The following PBX3 variants were observed in gnomAD, a reference collection of about 807,000 sequenced individuals.
The protein encoded by PBX3 is pre-B-cell leukemia transcription factor 3.
A neutral mutation model predicts 48.5 loss-of-function variants in PBX3; 14 were observed. The observed-to-expected ratio is 0.29, with a 90% confidence interval of 0.19 to 0.45. The LOEUF (loss-of-function observed/expected upper bound fraction) is 0.45, where lower values mean the gene tolerates loss of function less well. Among genes scored for constraint, PBX3 ranks in the 20% least tolerant of loss-of-function variants. PBX3 has a pLI of 1.00. For missense variants in PBX3, 386 were observed against 546.7 expected, an observed-to-expected ratio of 0.71 and a Z score of 2.93; for synonymous variants, 210 against 200.3, an observed-to-expected ratio of 1.05 and a Z score of -0.41.
chr9:125,791,301 G>GTCTGTCTGTCTGTCTGTCTATCTA (rs1179896723), intron 2 of PBX3, among the ~76,000 whole-genome samples: 2 of 108,898 alleles, frequency 1.8e-5, no homozygotes, highest in East Asian at 6.0e-4. Flanking sequence ...CTGTCTGTCT[G>GTCTGTCTGTCTGTCTGTCTATCTA]TCTATCTATC....
intron 2 of PBX3, among the ~76,000 whole-genome samples, chr9:125,850,509 C>A (rs1440051331): frequency 6.6e-6 from 1 of 151,818 alleles, no homozygotes; most frequent in African/African-American, 2.4e-5. Context: ...TCAGTGTTTC[C>A]TACATATTAT....
chr9:125,748,336 G>T (rs910383285), intron 1 of PBX3: 97 of 1,256,406 alleles, frequency 7.7e-5, no homozygotes, highest in Non-Finnish European at 8.9e-5. Context: ...CTGCCGGGCA[G>T]ATGGGTCCGC....
At chr9:125,821,665 A>G (rs1247942179) in intron 2 of PBX3, among the ~76,000 whole-genome samples, 2 of 152,108 alleles carry the variant, frequency 1.3e-5, no homozygotes, top group Non-Finnish European at 2.9e-5. Context: ...GATTAGTTTC[A>G]TTTTATCACC....
intron 2 of PBX3, among the ~76,000 whole-genome samples, chr9:125,867,757 TATATATACACACAC>T (rs1283043489): frequency 1.3e-5 from 2 of 151,530 alleles, no homozygotes; most frequent in African/African-American, 2.4e-5. Context: ...TCTCTCTATA[TATATATACACACAC>T]ATATATACAC....
chr9:125,803,682 G>A (rs1287710748), intron 2 of PBX3, among the ~76,000 whole-genome samples: 1 of 152,146 alleles, frequency 6.6e-6, no homozygotes, highest in East Asian at 1.9e-4. Context: ...TAGATCAAGA[G>A]GCATATGATG....
intron 2 of PBX3, among the ~76,000 whole-genome samples, chr9:125,801,394 T>C (rs1837940305): frequency 6.6e-6 from 1 of 152,210 alleles, no homozygotes; most frequent in Non-Finnish European, 1.5e-5. Context: ...ATATTTTTCT[T>C]GCCTACAACT....
chr9:125,763,315 G>A (rs974574886), intron 2 of PBX3, among the ~76,000 whole-genome samples: 4 of 152,158 alleles, frequency 2.6e-5, no homozygotes, highest in Admixed American at 6.5e-5. Context: ...CCATCTTTTT[G>A]TGTGAGGTTG....
At chr9:125,875,718 C>G (rs1372253469) in intron 2 of PBX3, among the ~76,000 whole-genome samples, 1 of 152,192 alleles carries the variant, frequency 6.6e-6, no homozygotes. Context: ...GCTACTCAAA[C>G]ATTTAATTAT....
chr9:125,763,434 A>T (rs1025339096), intron 2 of PBX3, among the ~76,000 whole-genome samples: 1 of 152,242 alleles, frequency 6.6e-6, no homozygotes, highest in African/African-American at 2.4e-5. Flanking sequence ...GTATTTCTAT[A>T]GTGTGAAGCC....
chr9:125,895,778 T>C (rs561901491), intron 2 of PBX3, among the ~76,000 whole-genome samples: 29 of 152,196 alleles, frequency 1.9e-4, no homozygotes, highest in African/African-American at 7.0e-4. Flanking sequence ...AATATTTTCA[T>C]GCATACAAAA....
chr9:125,932,862 T>C (rs1841748296), intron 4 of PBX3, among the ~76,000 whole-genome samples: 1 of 152,170 alleles, frequency 6.6e-6, no homozygotes, highest in African/African-American at 2.4e-5. Context: ...AGGGCCAGAA[T>C]GAGAGAGTGG....
Position 125,949,522 on chromosome 9 carries a change from T to C in PBX3, c.844-11162T>C, listed in dbSNP as rs2118756539. The C allele has an allele frequency of 7.1e-6, 11 of 1,539,010 alleles. No homozygotes were observed. In the South Asian group the frequency reaches 1.3e-4, roughly 19 times the overall value. On this transcript the variant is annotated intron_variant, in intron 5 of 8. Coordinates refer to ENST00000373489, the MANE Select transcript of PBX3 (RefSeq NM_006195.6). ...CTGTTCTTAGTCTCTGATGGACCTA[T>C]ACTGTGTATATATATATATAGTATT...
At chr9:125,965,669 T>G (rs1050991918) in intron 8 of PBX3, among the ~76,000 whole-genome samples, 162 bp from the exon 9 acceptor site, 1 of 152,238 alleles carries the variant, frequency 6.6e-6, no homozygotes, top group Non-Finnish European at 1.5e-5. Context: ...TACATGCATT[T>G]AATCCCACTT....
chr9:125,784,782 T>A (rs1292060588), intron 2 of PBX3, among the ~76,000 whole-genome samples: 2 of 152,150 alleles, frequency 1.3e-5, no homozygotes, highest in Non-Finnish European at 2.9e-5. Context: ...TGTCTCTGTT[T>A]GGGGACATTC....
intron 2 of PBX3, among the ~76,000 whole-genome samples, chr9:125,873,352 A>T (rs1360968680): frequency 6.6e-6 from 1 of 152,176 alleles, no homozygotes; most frequent in East Asian, 1.9e-4. Flanking sequence ...AACAAACTTG[A>T]CTCAGTGGAC....
At chr9:125,780,173 G>T (rs1200606872) in intron 2 of PBX3, among the ~76,000 whole-genome samples, 1 of 137,456 alleles carries the variant, frequency 7.3e-6, no homozygotes, top group Non-Finnish European at 1.6e-5. Context: ...CGGACGGGGC[G>T]GCTGGCCGGG....
intron 2 of PBX3, among the ~76,000 whole-genome samples, chr9:125,888,479 G>A (rs1382928500): frequency 6.6e-6 from 1 of 152,058 alleles, no homozygotes; most frequent in Non-Finnish European, 1.5e-5. Context: ...TAGGAGAGGA[G>A]AGGCGGCATA....
At chr9:125,789,722 T>C (rs1250209510) in intron 2 of PBX3, among the ~76,000 whole-genome samples, 3 of 152,142 alleles carry the variant, frequency 2.0e-5, no homozygotes, top group Non-Finnish European at 4.4e-5. Flanking sequence ...AGTGGGACCA[T>C]TGGAGCCTTC....
chr9:125,866,567 CAA>C (rs1178307982), intron 2 of PBX3, among the ~76,000 whole-genome samples: 1 of 152,040 alleles, frequency 6.6e-6, no homozygotes, highest in East Asian at 1.9e-4. Flanking sequence ...AAGAGGGAAA[CAA>C]AGAAACAATC....
Sources: gnomAD v4.1 joint callset for allele counts (sites outside exome capture counted in the v4.1 genomes callset) on GRCh38, gnomAD v4.1.1 for gene constraint, MANE v1.5 for transcripts, NCBI Gene and HGNC (gene_info 2026-07-23, HGNC 2026-07-21) for gene names.